Variants in CNIH2 observed in about 807,000 individuals in gnomAD.
The protein encoded by CNIH2 is cornichon family AMPA receptor auxiliary protein 2.
CNIH2 carries 8 observed loss-of-function variants against 22.9 expected under a neutral mutation model. The observed-to-expected ratio is 0.35, with a 90% confidence interval of 0.20 to 0.63. The LOEUF is 0.63. Ranked by LOEUF, CNIH2 falls within the 30% of genes least tolerant of loss-of-function variation. The pLI is 0.72. For missense variants in CNIH2, 105 were observed against 206.2 expected (o/e 0.51, Z 3.01); for synonymous variants, 74 against 78.2 (o/e 0.95, Z 0.28).
chr11:66,283,433 G>A, intron 5 of CNIH2, 42 bp downstream of exon 5: 1 of 1,612,566 alleles, frequency 6.2e-7, no homozygotes, highest in Non-Finnish European at 8.5e-7. Context: ...GGGAAGGGAT[G>A]TCCCAGCATC....
chr11:66,282,805 A>C, intron 3 of CNIH2, 25 bp downstream of exon 3: 1 of 1,601,208 alleles, frequency 6.2e-7, no homozygotes, highest in Middle Eastern at 1.7e-4. Context: ...TGGGGGCAGG[A>C]GGCTCCTAGC....
At chr11:66,280,715 T>C (rs1355326060) in intron 1 of CNIH2, among the ~76,000 whole-genome samples, 2 of 152,102 alleles carry the variant, frequency 1.3e-5, no homozygotes, top group African/African-American at 2.4e-5. Flanking sequence ...CTGTGGACCC[T>C]GTTGCTGTGC....
At chr11:66,282,815 C>T in intron 3 of CNIH2, 35 bp downstream of exon 3, 1 of 1,591,160 alleles carries the variant, frequency 6.3e-7, no homozygotes, top group Non-Finnish European at 8.6e-7. Context: ...AGGCTCCTAG[C>T]CCAGCGCTGC....
At chr11:66,278,745 G>C (rs965521456) in intron 1 of CNIH2, among the ~76,000 whole-genome samples, 5 of 148,278 alleles carry the variant, frequency 3.4e-5, no homozygotes, top group Non-Finnish European at 5.9e-5. Flanking sequence ...GCCTGTCTGT[G>C]TGTATGTCAG....
At position 66,282,637 on chromosome 11, in the gene CNIH2, TCTGGCGCCCC is replaced by T. The variant is rs898313017; in HGVS notation, c.151-89_151-80del. The T allele has an allele frequency of 7.1e-5, 102 of 1,436,104 alleles. No individual in the cohort carries two copies. In the East Asian group the frequency reaches 9.0e-4, roughly 13 times the overall value. 89.0% of individuals were successfully genotyped at this position (1,436,104 alleles called of 1,614,324 possible). On this transcript the variant is annotated intron_variant, in intron 2 of 5. Coordinates refer to ENST00000311445, the MANE Select transcript of CNIH2 (RefSeq NM_182553.3). Reference sequence around the variant, plus strand: ...GTGCCGACAGTGCCGCAGAGATCGCTCTGGCGCCCCCTGGCGGCCACATGTGGAGCGGTGG... The same window carrying T: ...GTGCCGACAGTGCCGCAGAGATCGCTCTGGCGGCCACATGTGGAGCGGTGG...
At chr11:66,283,541 G>A (rs1235217378) in intron 5 of CNIH2, 29 bp from the exon 6 acceptor site, 3 of 1,602,446 alleles carry the variant, frequency 1.9e-6, no homozygotes, top group African/African-American at 2.7e-5. Context: ...TGTGTGCAGG[G>A]CTAGGCTCAC....
In CNIH2 at chr11:66,282,443, C is replaced by T. The variant is rs1336231703; in HGVS notation, c.150+116C>T. 5 of 1,150,184 alleles carry T rather than the reference C, an allele frequency of 4.3e-6. No individual in the cohort carries two copies. In the African/African-American group the frequency reaches 6.1e-5, roughly 14 times the overall value. 71.2% of individuals were successfully genotyped at this position (1,150,184 alleles called of 1,614,324 possible). On this transcript the variant is annotated intron_variant, in intron 2 of 5. Transcript: ENST00000311445. ...TGGGGTGGGGGGCCTACGGCCATGC[C>T]CCCTTCCTCTCTGTCTCCGCCCCCA...
chr11:66,282,233 C>G, intron 1 of CNIH2, 26 bp from the exon 2 acceptor site: 2 of 1,605,772 alleles, frequency 1.2e-6, no homozygotes, highest in Non-Finnish European at 1.7e-6. Flanking sequence ...TGCCCCAACC[C>G]TGACGGGCAC....
In CNIH2 at chr11:66,283,764, C is replaced by A. The variant is rs919706809; in HGVS notation, c.*167C>A. The A allele has an allele frequency of 3.0e-6, 2 of 670,946 alleles. No homozygotes were observed. Among genetic ancestry groups the A allele is most frequent in the African/African-American group, 1.8e-5 (1 of 55,132 alleles). 41.6% of individuals were successfully genotyped at this position (670,946 alleles called of 1,614,324 possible). A position where few individuals can be genotyped will look rare whatever the true frequency, so the allele number is the denominator to read the frequency against. Reference sequence around the variant, plus strand: ...CTGCGGGGAACCCCCCCCACCCCGCCTTCAGAGCCCTCCCCCTTGGACTAG... The same window carrying A: ...CTGCGGGGAACCCCCCCCACCCCGCATTCAGAGCCCTCCCCCTTGGACTAG... On this transcript the variant is annotated 3_prime_UTR_variant, in exon 6 of 6. Coordinates refer to ENST00000311445, the MANE Select transcript of CNIH2 (RefSeq NM_182553.3).
At chr11:66,282,202 T>C (rs369384568) in intron 1 of CNIH2, 57 bp from the exon 2 acceptor site, 96 of 1,467,950 alleles carry the variant, frequency 6.5e-5, no homozygotes, top group Non-Finnish European at 8.5e-5. Flanking sequence ...CAGAAGGACT[T>C]GGGGGAAGGC....
chr11:66,278,562 TGGGGGCGGGGTG>T, intron 1 of CNIH2, 25 bp downstream of exon 1: 2 of 181,646 alleles, frequency 1.1e-5, no homozygotes, highest in South Asian at 4.1e-5. Context: ...GGGCTGGGGC[TGGGGGCGGGGTG>T]GGGGGCAGGG....
In CNIH2 at chr11:66,278,365, G is replaced by C; in HGVS notation, c.-92G>C. On this transcript the variant is annotated 5_prime_UTR_variant, in exon 1 of 6. The change abolishes an upstream ATG in the 5' untranslated region. Coordinates refer to ENST00000311445, the MANE Select transcript of CNIH2 (RefSeq NM_182553.3). The stretch of plus-strand genomic sequence containing the variant: ...ACGTCCCCCGAGCCCCACGGGCCAT[G>C]CCCGGCCGGCCCTAAGCGCGGGCCG... 2.6e-6 allele frequency: 1 copy of C among 380,634 alleles called. No homozygotes were observed. Among genetic ancestry groups the C allele is most frequent in the South Asian group, 1.0e-4 (1 of 9,922 alleles). The allele number at this position is 380,634 out of a possible 1,614,324, so 23.6% of individuals were successfully genotyped here. A position where few individuals can be genotyped will look rare whatever the true frequency, so the allele number is the denominator to read the frequency against.
At position 66,278,643 on chromosome 11, in the gene CNIH2, T is replaced by C. The variant is rs1056365895; in HGVS notation, c.81+106T>C. 1.1e-5 allele frequency: 8 copies of C among 750,184 alleles called. No homozygotes were observed. The African/African-American group carries it at 1.2e-4, about 11-fold the overall frequency. The allele number at this position is 750,184 out of a possible 1,614,324, so 46.5% of individuals were successfully genotyped here. ...GTCTCAGAGCCCAGGGGAAACTTGC[T>C]ATCCCCCAGCCGTCGGCTTGTCGGC... On this transcript the variant is annotated intron_variant, in intron 1 of 5. Transcript: ENST00000311445.
intron 2 of CNIH2, 157 bp from the exon 3 acceptor site, chr11:66,282,576 C>T: frequency 3.3e-6 from 3 of 915,804 alleles, no homozygotes; most frequent in Admixed American, 4.7e-5. Context: ...TCCATGGTGA[C>T]GGTCGCCATG....
chr11:66,283,156 A>G lies in CNIH2; in HGVS notation c.311+9A>G, dbSNP rs1326260701. On this transcript the variant is annotated intron_variant, in intron 4 of 5. Transcript: ENST00000311445. ...TTCTACCACCTCTGGAGGTGAGGGT[A>G]GCAGCTGCCTTGGGGAGGCTGAGAT... 6.2e-7 allele frequency: 1 copy of G among 1,613,358 alleles called. No individual in the cohort carries two copies. Among genetic ancestry groups the G allele is most frequent in the Non-Finnish European group, 8.5e-7 (1 of 1,179,462 alleles).
At position 66,283,904 on chromosome 11, in the gene CNIH2, G is replaced by C; in HGVS notation, c.*307G>C. ...GCCTTGTCCATTTCGGGGGAAACTT[G>C]GGCCCTGCCAAGGGGCAGAGCTTGA... On this transcript the variant is annotated 3_prime_UTR_variant, in exon 6 of 6. Transcript: ENST00000311445. 8.2e-6 allele frequency: 3 copies of C among 365,134 alleles called. No homozygotes were observed. The highest frequency in any genetic ancestry group is 1.5e-5 in the Non-Finnish European group (3 of 196,470). The allele number at this position is 365,134 out of a possible 1,614,324, so 22.6% of individuals were successfully genotyped here.
chr11:66,283,289 A>G lies in CNIH2; in HGVS notation c.353A>G (p.Asp118Gly). 6.2e-7 allele frequency: 1 copy of G among 1,614,084 alleles called. No individual in the cohort carries two copies. Among genetic ancestry groups the G allele is most frequent in the Non-Finnish European group, 8.5e-7 (1 of 1,180,002 alleles). ...RPADGSEVMY[D>G]AVSIMNADIL... is the part of the protein sequence containing the mutation. ...GCAGATGGCTCTGAGGTCATGTATG[A>G]TGCGGTCTCCATCATGAATGCTGAC... Residue 118 changes from aspartate to glycine, a missense_variant, in exon 5 of 6, where the codon GAT becomes GGT. By Grantham distance (94) the Asp-to-Gly change is moderately conservative. Transcript: ENST00000311445.
chr11:66,282,452 C>G, intron 2 of CNIH2, 125 bp downstream of exon 2: 1 of 1,149,850 alleles, frequency 8.7e-7, no homozygotes, highest in South Asian at 1.3e-5. Context: ...CCCCCTTCCT[C>G]TCTGTCTCCG....
At chr11:66,278,916 C>CT (rs1491446980) in intron 1 of CNIH2, among the ~76,000 whole-genome samples, 1 of 19,010 alleles carries the variant, frequency 5.3e-5, no homozygotes, top group Admixed American at 4.3e-4. Context: ...CTGTCTGCTG[C>CT]CCCCCCCCCC....
Sources: allele counts gnomAD v4.1 joint callset (sites outside exome capture counted in the v4.1 genomes callset), GRCh38; gene constraint gnomAD v4.1.1; transcripts MANE v1.5; gene names NCBI Gene and HGNC (gene_info 2026-07-23, HGNC 2026-07-21).